The following MAST2 variants were observed in gnomAD, a reference collection of about 807,000 sequenced individuals.
MAST2 encodes microtubule associated serine/threonine kinase 2, also known as microtubule-associated serine/threonine-protein kinase 2.
MAST2 carries 70 observed loss-of-function variants against 147.4 expected under a neutral mutation model. That is an observed-to-expected ratio of 0.47 (90% CI 0.39 to 0.58). MAST2 has a LOEUF of 0.58. Among genes scored for constraint, MAST2 ranks in the 20% least tolerant of loss-of-function variants. The probability of loss-of-function intolerance (pLI) is 0.00; values close to 1 mark genes in which losing one functional copy is unlikely to be tolerated. For synonymous variants in MAST2, 869 were observed against 896.8 expected (o/e 0.97, Z 0.55); for missense variants, 2,080 against 2,302.3 (o/e 0.90, Z 1.98).
intron 4 of MAST2, among the ~76,000 whole-genome samples, chr1:45,945,690 T>G (rs1046342900): frequency 3.9e-5 from 6 of 152,240 alleles, no homozygotes; most frequent in Admixed American, 6.5e-5. Flanking sequence ...ACTTAAACTA[T>G]GTATGTATTG....
At chr1:45,856,958 A>G (rs1645809870) in intron 3 of MAST2, among the ~76,000 whole-genome samples, 1 of 152,194 alleles carries the variant, frequency 6.6e-6, no homozygotes, top group African/African-American at 2.4e-5. Flanking sequence ...ATATTGCCTT[A>G]ATATTAGCAT....
At chr1:45,894,313 T>C (rs192133290) in intron 4 of MAST2, among the ~76,000 whole-genome samples, 82 of 152,272 alleles carry the variant, frequency 5.4e-4, no homozygotes, top group Admixed American at 1.6e-3. Flanking sequence ...TAATCGTTAG[T>C]GGAAACACTT....
intron 4 of MAST2, among the ~76,000 whole-genome samples, chr1:45,911,230 A>G (rs1433762078): frequency 6.6e-6 from 1 of 152,208 alleles, no homozygotes; most frequent in African/African-American, 2.4e-5. Flanking sequence ...ATTGGCACAA[A>G]TGGATTCTAA....
In MAST2 at chr1:45,830,153, G is replaced by A. The variant is rs78145344; in HGVS notation, c.468+572G>A. Among the ~76,000 whole-genome samples, 88 of 149,618 alleles carry A rather than the reference G, an allele frequency of 5.9e-4. No homozygotes were observed. The East Asian group carries it at 0.014, about 23-fold the overall frequency. On this transcript the variant is annotated intron_variant, in intron 3 of 28. Coordinates refer to ENST00000361297, the MANE Select transcript of MAST2 (RefSeq NM_015112.3). ...ATTACAGGTGTGGGCCACCACTCCC[G>A]GCCTTAAGAATGAAATTTTAATTGA...
intron 4 of MAST2, among the ~76,000 whole-genome samples, chr1:45,893,291 C>T (rs891971532): frequency 2.0e-5 from 3 of 152,160 alleles, no homozygotes; most frequent in Admixed American, 2.0e-4. Flanking sequence ...GCCTCAACCT[C>T]CTGGGCTCAA....
At chr1:45,825,571 C>T (rs1644766477) in intron 2 of MAST2, among the ~76,000 whole-genome samples, 1 of 151,280 alleles carries the variant, frequency 6.6e-6, no homozygotes, top group African/African-American at 2.4e-5. Flanking sequence ...TAGCTGGGAT[C>T]ACAGGTGCGC....
rs1644059321 is a variant in MAST2 at position 45,803,825 on chromosome 1, G to A, written c.-71G>A. On this transcript the variant is annotated 5_prime_UTR_variant, in exon 1 of 29. Coordinates refer to ENST00000361297, the MANE Select transcript of MAST2 (RefSeq NM_015112.3). Reference sequence around the variant, plus strand: ...GCCGCGGGTGGTGGTTGGCGCGGCTGCGCTGCGGCCCGGGGCAGTGCGGAG... The same window carrying A: ...GCCGCGGGTGGTGGTTGGCGCGGCTACGCTGCGGCCCGGGGCAGTGCGGAG... 2.4e-6 allele frequency: 1 copy of A among 408,388 alleles called. No individual in the cohort carries two copies. The highest frequency in any genetic ancestry group is 4.0e-5 in the East Asian group (1 of 25,100). 25.3% of individuals were successfully genotyped at this position (408,388 alleles called of 1,614,324 possible).
At chr1:45,975,973 A>C (rs2149023997) in intron 5 of MAST2, among the ~76,000 whole-genome samples, 1 of 134,114 alleles carries the variant, frequency 7.5e-6, no homozygotes, top group South Asian at 2.4e-4. Context: ...CTAAAAACTG[A>C]ATACTTTTTT....
chr1:45,804,568 C>A (rs1482457936), intron 1 of MAST2, among the ~76,000 whole-genome samples: 1 of 152,182 alleles, frequency 6.6e-6, no homozygotes, highest in Non-Finnish European at 1.5e-5. Context: ...TTAAGGCTCT[C>A]TTTACCAACC....
intron 3 of MAST2, among the ~76,000 whole-genome samples, chr1:45,856,604 TAAAA>T (rs532451191): frequency 6.6e-6 from 1 of 152,192 alleles, no homozygotes; most frequent in Non-Finnish European, 1.5e-5. Context: ...TTCTGTATGT[TAAAA>T]AAACGTTCTG....
intron 1 of MAST2, among the ~76,000 whole-genome samples, chr1:45,812,407 A>G (rs1016387961): frequency 1.3e-5 from 2 of 150,612 alleles, no homozygotes; most frequent in Non-Finnish European, 2.9e-5. Context: ...CTCTTGGCCT[A>G]AAGATCAATC....
At chr1:45,970,727 GCTGT>G (rs1170396812) in intron 5 of MAST2, among the ~76,000 whole-genome samples, 2 of 147,738 alleles carry the variant, frequency 1.4e-5, no homozygotes, top group South Asian at 2.1e-4. Flanking sequence ...CACTGTGTCT[GCTGT>G]CTGTCTGTCC....
At chr1:45,878,017 A>G (rs1013649207) in intron 3 of MAST2, among the ~76,000 whole-genome samples, 2 of 152,144 alleles carry the variant, frequency 1.3e-5, no homozygotes, top group Non-Finnish European at 2.9e-5. Context: ...CAGCCTGGCT[A>G]ACATGGTGAA....
chr1:45,949,323 T>C (rs1179127429), intron 4 of MAST2, among the ~76,000 whole-genome samples: 1 of 152,206 alleles, frequency 6.6e-6, no homozygotes, highest in Non-Finnish European at 1.5e-5. Flanking sequence ...AATCTGCATC[T>C]GACAAAGGTC....
At chr1:45,912,337 G>T (rs573546497) in intron 4 of MAST2, among the ~76,000 whole-genome samples, 13 of 152,294 alleles carry the variant, frequency 8.5e-5, no homozygotes, top group African/African-American at 3.1e-4. Flanking sequence ...ATATTTGTAT[G>T]TATTTCAGTA....
In MAST2 at chr1:46,035,430, A is replaced by C; in HGVS notation, c.4761A>C (p.Gln1587His). 1 of 1,613,016 alleles carries C rather than the reference A, an allele frequency of 6.2e-7. No homozygotes were observed. Among genetic ancestry groups the C allele is most frequent in the South Asian group, 1.1e-5 (1 of 91,024 alleles). The stretch of plus-strand genomic sequence containing the variant: ...CCCACAGGAGGCTCGGGAGCCCACA[A>C]GCCATTGAGGAGGCTGCCAGCTCCT... ...SGPHRRLGSP[Q>H]AIEEAASSSS... The change falls in exon 29 of 29, where the codon CAA (glutamine) becomes CAC (histidine). Residue 1587 changes from glutamine (Q) to histidine (H), a missense_variant. Gln to His is a conservative substitution (Grantham distance 24). Transcript: ENST00000361297. This position sits in a 1 kb window ranked among gnomAD's most constrained non-coding sequence, Gnocchi z 5.5.
intron 5 of MAST2, among the ~76,000 whole-genome samples, chr1:45,989,361 TC>T (rs1644771542): frequency 6.6e-6 from 1 of 152,204 alleles, no homozygotes; most frequent in Non-Finnish European, 1.5e-5. Flanking sequence ...AACAACTTTA[TC>T]AAGTTGAGTT....
At chr1:45,950,180 C>T (rs1403463439) in intron 4 of MAST2, among the ~76,000 whole-genome samples, 1 of 152,046 alleles carries the variant, frequency 6.6e-6, no homozygotes, top group African/African-American at 2.4e-5. Flanking sequence ...CAGGAGTTTA[C>T]CTATGTACCT....
At chr1:45,847,142 T>C in intron 3 of MAST2, 1 of 494,468 alleles carries the variant, frequency 2.0e-6, no homozygotes, top group South Asian at 1.6e-5. Context: ...TTTTAATATT[T>C]GGCAATTTCT....
Sources: allele counts gnomAD v4.1 joint callset (sites outside exome capture counted in the v4.1 genomes callset), GRCh38; gene constraint gnomAD v4.1.1; non-coding constraint Gnocchi (gnomAD v3.1); transcripts MANE v1.5; gene names NCBI Gene and HGNC (gene_info 2026-07-23, HGNC 2026-07-21).